APEX1: variants seen among roughly 807,000 people sequenced by gnomAD.
APEX1 encodes apurinic/apyrimidinic endodeoxyribonuclease 1.
Under a neutral mutation model 33.2 loss-of-function variants are expected in APEX1, and 32 were observed. The observed-to-expected ratio is 0.96, with a 90% CI of 0.73 to 1.29. The LOEUF (loss-of-function observed/expected upper bound fraction) is 1.29. APEX1 is among the 50% of genes most tolerant of loss of function. The pLI is 0.00. For synonymous variants in APEX1, 175 were observed against 156.6 expected (o/e 1.12, Z -0.88); for missense variants, 442 against 395.6 (o/e 1.12, Z -0.99).
intron 2 of APEX1, 99 bp from the exon 3 acceptor site, chr14:20,455,815 A>G (rs777219835): frequency 5.6e-6 from 9 of 1,613,676 alleles, no homozygotes; most frequent in Non-Finnish European, 7.6e-6. Flanking sequence ...TTTGTGAAGA[A>G]GTCGCAGGAA....
rs757943571 is a variant in APEX1 at position 20,457,217 on chromosome 14, C to T, written c.666C>T (p.Asn222=). ...CACATGAAGAAATTGACCTTCGCAA[C>T]CCCAAGGGGAACAAAAAGAATGCTG... ...NVAHEEIDLR[N]PKGNKKNAGF... The change falls in exon 5 of 5, where the codon AAC becomes AAT. Residue 222 remains asparagine (N), a synonymous_variant. Coordinates refer to ENST00000216714, the MANE Select transcript of APEX1 (RefSeq NM_001641.4). 2 of 1,614,212 alleles carry T rather than the reference C, an allele frequency of 1.2e-6. No homozygotes were observed. The highest frequency in any genetic ancestry group is 2.2e-5 in the East Asian group (1 of 44,880).
chr14:20,455,564 C>T lies in APEX1; in HGVS notation c.-68-14C>T, dbSNP rs1412275076. ...CCAGCCTTAGCTGGTTTCATGATTT[C>T]TTTGCGTCTGTAGGCAACGCGGTAA... On this transcript the variant is annotated splice_polypyrimidine_tract_variant and intron_variant, in intron 1 of 4. Coordinates refer to ENST00000216714, the MANE Select transcript of APEX1 (RefSeq NM_001641.4). The T allele has an allele frequency of 6.2e-7, 1 of 1,609,996 alleles. No homozygotes were observed. The highest frequency in any genetic ancestry group is 8.5e-7 in the Non-Finnish European group (1 of 1,178,486).
At chr14:20,456,620 G>T in intron 3 of APEX1, 48 bp from the exon 4 acceptor site, 7 of 1,549,382 alleles carry the variant, frequency 4.5e-6, no homozygotes, top group South Asian at 2.2e-5. Context: ...TTCAATAAAT[G>T]TTCTGCTGAA....
Position 20,457,027 on chromosome 14 carries a change from T to A in APEX1, c.476T>A (p.Val159Glu). The stretch of plus-strand genomic sequence containing the variant: ...CATGATCAGGAAGGCCGGGTGATTG[T>A]GGCTGAATTTGACTCGTTTGTGCTG... ...EEHDQEGRVI[V>E]AEFDSFVLVT... The change falls in exon 5 of 5, where the codon GTG (valine) becomes GAG (glutamate). Residue 159 changes from valine to glutamate, a missense_variant. By Grantham distance (121) the Val-to-Glu change is moderately radical. Transcript: ENST00000216714. 1 of 1,614,186 alleles carries A rather than the reference T, an allele frequency of 6.2e-7. No homozygotes were observed. Among genetic ancestry groups the A allele is most frequent in the Non-Finnish European group, 8.5e-7 (1 of 1,180,018 alleles).
chr14:20,456,214 G>A, intron 3 of APEX1, 113 bp downstream of exon 3: 1 of 1,223,236 alleles, frequency 8.2e-7, no homozygotes, highest in South Asian at 1.3e-5. Context: ...CCTGCCCGTA[G>A]TTTTCTGTGG....
In APEX1 at chr14:20,455,228, T is replaced by G; in HGVS notation, c.-235T>G. 2.8e-6 allele frequency: 1 copy of G among 355,382 alleles called. No individual in the cohort carries two copies. The highest frequency in any genetic ancestry group is 5.3e-6 in the Non-Finnish European group (1 of 189,074). The allele number at this position is 355,382 out of a possible 1,614,324, so 22.0% of individuals were successfully genotyped here. On this transcript the variant is annotated 5_prime_UTR_variant, in exon 1 of 5. Coordinates refer to ENST00000216714, the MANE Select transcript of APEX1 (RefSeq NM_001641.4). ...CACGTGGGGGCTCAGCGTGCACCCT[T>G]CTTTGTGCTCGGGTTAGGAGGAGCT...
Position 20,457,683 on chromosome 14 carries a change from TTTTG to T in APEX1, c.*179_*182del, listed in dbSNP as rs1228607447. Reference sequence around the variant, plus strand: ...GCCCAAGATTTTTTATTTGAGGGTTTTTTGTTTTTTAAAAAAAAATTGAACAAAG... The same window carrying T: ...GCCCAAGATTTTTTATTTGAGGGTTTTTTTTTAAAAAAAAATTGAACAAAG... On this transcript the variant is annotated 3_prime_UTR_variant, in exon 5 of 5. Transcript: ENST00000216714. 20 of 895,216 alleles carry T rather than the reference TTTTG, an allele frequency of 2.2e-5. No individual in the cohort carries two copies. Among genetic ancestry groups the T allele is most frequent in the African/African-American group, 3.4e-5 (2 of 58,968 alleles). The allele number at this position is 895,216 out of a possible 1,614,324, so 55.5% of individuals were successfully genotyped here.
Position 20,456,104 on chromosome 14 carries a change from G to T in APEX1, c.246+3G>T. Reference sequence around the variant, plus strand: ...GGATTAAGAAGAAAGGATTAGATGTGAGTGGAATTTGAGGGAAAGAGACAT... The same window carrying T: ...GGATTAAGAAGAAAGGATTAGATGTTAGTGGAATTTGAGGGAAAGAGACAT... On this transcript the variant is annotated splice_donor_region_variant and intron_variant, in intron 3 of 4. Coordinates refer to ENST00000216714, the MANE Select transcript of APEX1 (RefSeq NM_001641.4). The T allele has an allele frequency of 6.2e-7, 1 of 1,614,060 alleles. No individual in the cohort carries two copies. The highest frequency in any genetic ancestry group is 8.5e-7 in the Non-Finnish European group (1 of 1,179,908).
rs1007729095 is a variant in APEX1, at chr14:20,457,059, G to A, written c.508G>A (p.Ala170Thr). The A allele has an allele frequency of 1.9e-6, 3 of 1,614,202 alleles. No homozygotes were observed. The highest frequency in any genetic ancestry group is 1.7e-5 in the Admixed American group (1 of 60,022). The change falls in exon 5 of 5, where the codon GCA becomes ACA. Residue 170 changes from alanine to threonine, a missense_variant. Coordinates refer to ENST00000216714, the MANE Select transcript of APEX1 (RefSeq NM_001641.4). ...ATTTGACTCGTTTGTGCTGGTAACA[G>A]CATATGTACCTAATGCAGGCCGAGG... ...AEFDSFVLVTAYVPNAGRGLV... is the reference protein window; with the variant it reads ...AEFDSFVLVTTYVPNAGRGLV...
rs1011661042 is a variant in APEX1 at position 20,455,583 on chromosome 14, G to C, written c.-63G>C. ...TGATTTCTTTGCGTCTGTAGGCAACGCGGTAAAAATATTGCTTCGGTGGGT... is the reference window on the plus strand; with the variant it reads ...TGATTTCTTTGCGTCTGTAGGCAACCCGGTAAAAATATTGCTTCGGTGGGT... On this transcript the variant is annotated 5_prime_UTR_variant, in exon 2 of 5. Transcript: ENST00000216714. The C allele has an allele frequency of 6.2e-7, 1 of 1,612,030 alleles. No homozygotes were observed.
Position 20,456,999 on chromosome 14 carries a change from G to A in APEX1, c.448G>A (p.Glu150Lys). The change falls in exon 5 of 5, where the codon GAG becomes AAG. Residue 150 changes from glutamate to lysine, a missense_variant. By Grantham distance (56) the Glu-to-Lys change is moderately conservative. Transcript: ENST00000216714. ...CTGTTTCATTTCTATAGGCGATGAG[G>A]AGCATGATCAGGAAGGCCGGGTGAT... Reference protein sequence around the residue: ...LKVSYGIGDEEHDQEGRVIVA... With the variant: ...LKVSYGIGDEKHDQEGRVIVA... The A allele has an allele frequency of 1.2e-6, 2 of 1,613,950 alleles. No individual in the cohort carries two copies. The highest frequency in any genetic ancestry group is 2.2e-5 in the South Asian group (2 of 91,032).
At chr14:20,456,562 C>A in intron 3 of APEX1, 106 bp from the exon 4 acceptor site, 1 of 1,106,172 alleles carries the variant, frequency 9.0e-7, no homozygotes, top group Non-Finnish European at 1.4e-6. Flanking sequence ...CTCCTTAGGC[C>A]AAGAGACTGT....
At chr14:20,456,609 A>G in intron 3 of APEX1, 59 bp from the exon 4 acceptor site, 1 of 1,519,624 alleles carries the variant, frequency 6.6e-7, no homozygotes, top group Non-Finnish European at 9.1e-7. Context: ...CATATAGATT[A>G]TTCAATAAAT....
rs965220172 is a variant in APEX1, at chr14:20,457,011, G to A, written c.460G>A (p.Glu154Lys). The A allele has an allele frequency of 1.2e-6, 2 of 1,613,976 alleles. No homozygotes were observed. The highest frequency in any genetic ancestry group is 2.7e-5 in the African/African-American group (2 of 74,926). Residue 154 changes from glutamate to lysine, a missense_variant, in exon 5 of 5, where the codon GAA becomes AAA. Transcript: ENST00000216714. ...TATAGGCGATGAGGAGCATGATCAG[G>A]AAGGCCGGGTGATTGTGGCTGAATT... ...YGIGDEEHDQ[E>K]GRVIVAEFDS... is the part of the protein sequence containing the mutation.
intron 4 of APEX1, 45 bp downstream of exon 4, chr14:20,456,905 T>C (rs761476669): frequency 2.5e-6 from 4 of 1,605,608 alleles, no homozygotes; most frequent in South Asian, 1.1e-5. Context: ...TCAAAACCAA[T>C]TGCTAATTCT....
At position 20,455,238 on chromosome 14, in the gene APEX1, C is replaced by T. The variant is rs966135255; in HGVS notation, c.-225C>T. 2.8e-6 allele frequency: 1 copy of T among 357,454 alleles called. No homozygotes were observed. The highest frequency in any genetic ancestry group is 5.3e-6 in the Non-Finnish European group (1 of 190,284). 22.1% of individuals were successfully genotyped at this position (357,454 alleles called of 1,614,324 possible). The stretch of plus-strand genomic sequence containing the variant: ...CTCAGCGTGCACCCTTCTTTGTGCT[C>T]GGGTTAGGAGGAGCTAGGCTGCCAT... On this transcript the variant is annotated 5_prime_UTR_variant, in exon 1 of 5. Coordinates refer to ENST00000216714, the MANE Select transcript of APEX1 (RefSeq NM_001641.4).
Position 20,456,793 on chromosome 14 carries a change from C to CAAGG in APEX1, c.377_380dup (p.Tyr128ArgfsTer23). The CAAGG allele has an allele frequency of 6.2e-7, 1 of 1,614,240 alleles. No homozygotes were observed. Among genetic ancestry groups the CAAGG allele is most frequent in the Non-Finnish European group, 8.5e-7 (1 of 1,180,042 alleles). On this transcript the variant is annotated frameshift_variant, in exon 4 of 5. Coordinates refer to ENST00000216714, the MANE Select transcript of APEX1 (RefSeq NM_001641.4). LOFTEE classifies it high-confidence loss of function. ...ATCAATACTGGTCAGCTCCTTCGGA[C>CAAGG]AAGGAAGGGTACAGTGGCGTGGGCC...
rs1182766242 is a variant in APEX1, at chr14:20,457,644, T to TA, written c.*137dup. ...GAATCCTCCAACCAGGCTCCTGTGATAGAGTTCTTTTAAGCCCAAGATTTT... is the reference window on the plus strand; with the variant it reads ...GAATCCTCCAACCAGGCTCCTGTGATAAGAGTTCTTTTAAGCCCAAGATTTT... On this transcript the variant is annotated 3_prime_UTR_variant, in exon 5 of 5. Transcript: ENST00000216714. 8 of 1,295,530 alleles carry TA rather than the reference T, an allele frequency of 6.2e-6. No homozygotes were observed. The highest frequency in any genetic ancestry group is 3.7e-5 in the Admixed American group (2 of 54,248). The allele number at this position is 1,295,530 out of a possible 1,614,324, so 80.3% of individuals were successfully genotyped here. A position where few individuals can be genotyped will look rare whatever the true frequency, so the allele number is the denominator to read the frequency against.
At chr14:20,456,201 TC>T (rs1348952308) in intron 3 of APEX1, 100 bp downstream of exon 3, 15 of 1,377,872 alleles carry the variant, frequency 1.1e-5, no homozygotes, top group Non-Finnish European at 3.1e-6. Flanking sequence ...GTTTTATTTT[TC>T]TCCTGCCCGT....
Sources: allele counts gnomAD v4.1 joint callset, GRCh38; gene constraint gnomAD v4.1.1; transcripts MANE v1.5; gene names NCBI Gene and HGNC (gene_info 2026-07-23, HGNC 2026-07-21).